Variants in XRCC4 observed in about 807,000 individuals in gnomAD.
XRCC4 encodes the protein X-ray repair cross complementing 4, also known as DNA repair protein XRCC4.
A neutral mutation model predicts 39.1 loss-of-function variants in XRCC4; 28 were observed. The observed-to-expected ratio is 0.72, with a 90% CI of 0.53 to 0.98. The LOEUF is 0.98. Ranked by LOEUF, XRCC4 falls within the 50% of genes least tolerant of loss-of-function variation. The probability of loss-of-function intolerance (pLI) is 0.00; values close to 1 mark genes in which losing one functional copy is unlikely to be tolerated. For missense variants in XRCC4, 350 were observed against 376.4 expected, an observed-to-expected ratio of 0.93 and a Z score of 0.58; for synonymous variants, 123 against 126.4, an observed-to-expected ratio of 0.97 and a Z score of 0.18.
intron 3 of XRCC4, among the ~76,000 whole-genome samples, chr5:83,112,958 G>A (rs550404260): frequency 6.6e-6 from 1 of 152,070 alleles, no homozygotes; most frequent in Non-Finnish European, 1.5e-5. Context: ...CAAATCTCAT[G>A]TCCTCACATT....
intron 3 of XRCC4, among the ~76,000 whole-genome samples, chr5:83,121,976 A>G (rs758948570): frequency 9.2e-5 from 14 of 152,144 alleles, no homozygotes; most frequent in Non-Finnish European, 1.0e-4. Flanking sequence ...TTGAAAATCA[A>G]TTAACCACGT....
chr5:83,229,444 G>T (rs1395185361), intron 6 of XRCC4, among the ~76,000 whole-genome samples: 1 of 151,540 alleles, frequency 6.6e-6, no homozygotes, highest in African/African-American at 2.4e-5. Flanking sequence ...GATCAGGGAT[G>T]GTATCTAGTA....
At chr5:83,301,890 C>T (rs754497451) in intron 7 of XRCC4, among the ~76,000 whole-genome samples, 25 of 152,082 alleles carry the variant, frequency 1.6e-4, no homozygotes, top group South Asian at 8.3e-4. Context: ...GTTGTAGATA[C>T]GTGGTGTTAT....
chr5:83,123,274 T>C lies in XRCC4; in HGVS notation c.315+12071T>C, dbSNP rs78408676. Among the ~76,000 whole-genome samples the C allele has an allele frequency of 9.6e-3, 1,460 of 152,228 alleles. 21 individuals are homozygous for C. The highest frequency in any genetic ancestry group is 0.033 in the African/African-American group (1,355 of 41,560). On this transcript the variant is annotated intron_variant, in intron 3 of 7. Coordinates refer to ENST00000396027, the MANE Select transcript of XRCC4 (RefSeq NM_003401.5). ...GCTCTCTTGATGAGCTGACCTCTTT[T>C]TCACTATGAAATGACCCTCTAATTC...
At chr5:83,258,499 TG>T in intron 6 of XRCC4, 30 bp from the exon 7 acceptor site, 2 of 1,596,666 alleles carry the variant, frequency 1.3e-6, no homozygotes, top group Non-Finnish European at 1.7e-6. Context: ...ATAATTTTGT[TG>T]GGTCACATTC....
chr5:83,159,453 GTGAAAGGAGAAATGTTTAGGAAATTTGA>G (rs1248688360), intron 3 of XRCC4, among the ~76,000 whole-genome samples: 3 of 152,130 alleles, frequency 2.0e-5, no homozygotes, highest in African/African-American at 7.2e-5. Context: ...GATAGGCATA[GTGAAAGGAGAAATGTTTAGGAAATTTGA>G]TGAATATACA....
At chr5:83,140,856 C>T (rs1748136466) in intron 3 of XRCC4, among the ~76,000 whole-genome samples, 1 of 152,070 alleles carries the variant, frequency 6.6e-6, no homozygotes, top group African/African-American at 2.4e-5. Flanking sequence ...ATCAGAACTA[C>T]CTAAAAAGGT....
chr5:83,278,677 G>T (rs1754422020), intron 7 of XRCC4, among the ~76,000 whole-genome samples: 2 of 151,978 alleles, frequency 1.3e-5, no homozygotes, highest in Non-Finnish European at 2.9e-5. Context: ...CAGTCCTTAT[G>T]TTGTTTTTTA....
intron 7 of XRCC4, among the ~76,000 whole-genome samples, chr5:83,273,089 T>C (rs914782552): frequency 6.6e-6 from 1 of 152,206 alleles, no homozygotes; most frequent in Non-Finnish European, 1.5e-5. Flanking sequence ...CCAACATCTA[T>C]TGTTTCCTGA....
chr5:83,164,678 T>C (rs1392783874), intron 3 of XRCC4, among the ~76,000 whole-genome samples: 1 of 152,168 alleles, frequency 6.6e-6, no homozygotes, highest in Non-Finnish European at 1.5e-5. Flanking sequence ...AAACATGTTG[T>C]ACAACTTAAA....
the XRCC4 span, among the ~76,000 whole-genome samples, chr5:83,365,123 G>A: frequency 2.0e-5 from 3 of 152,118 alleles, no homozygotes; most frequent in Non-Finnish European, 4.4e-5. Flanking sequence ...TGGGAGTTCC[G>A]TTACCTCAGG....
At chr5:83,154,945 C>A (rs1748886883) in intron 3 of XRCC4, among the ~76,000 whole-genome samples, 1 of 152,148 alleles carries the variant, frequency 6.6e-6, no homozygotes. Context: ...ACTGGTATGG[C>A]TTTTAGTTTC....
At chr5:83,361,358 A>T in the XRCC4 span, among the ~76,000 whole-genome samples, 15 of 152,122 alleles carry the variant, frequency 9.9e-5, no homozygotes, top group African/African-American at 2.4e-4. Flanking sequence ...TTTCTGTAGG[A>T]TATATTTTCA....
intron 4 of XRCC4, among the ~76,000 whole-genome samples, chr5:83,198,197 G>A (rs988169185): frequency 6.6e-6 from 1 of 152,048 alleles, no homozygotes; most frequent in African/African-American, 2.4e-5. Flanking sequence ...AGTTAATTTT[G>A]GGGGAAGCCT....
intron 3 of XRCC4, among the ~76,000 whole-genome samples, chr5:83,187,339 A>G (rs76979134): frequency 0.015 from 2,217 of 152,306 alleles, 63 homozygotes; most frequent in African/African-American, 0.051. Context: ...AATTTTAAGT[A>G]TTTATGTGAA....
chr5:83,109,767 A>G (rs987906873), intron 2 of XRCC4, among the ~76,000 whole-genome samples: 2 of 152,014 alleles, frequency 1.3e-5, no homozygotes, highest in Non-Finnish European at 2.9e-5. Context: ...GACAGTGAGT[A>G]TAATGTTTGA....
chr5:83,122,779 AT>A (rs1427528029), intron 3 of XRCC4, among the ~76,000 whole-genome samples: 8 of 151,570 alleles, frequency 5.3e-5, no homozygotes, highest in Non-Finnish European at 7.4e-5. Flanking sequence ...TTCCCTTTTC[AT>A]TTTAGTCCTC....
Position 83,134,146 on chromosome 5 carries a change from CTCTT to C in XRCC4, c.315+22947_315+22950del, listed in dbSNP as rs1319367699. Among the ~76,000 whole-genome samples, 5 of 152,156 alleles carry C rather than the reference CTCTT, an allele frequency of 3.3e-5. No individual in the cohort carries two copies. In the East Asian group the frequency reaches 9.7e-4, roughly 29 times the overall value. ...ATTGACCATGATAGCAGGTCTCCGT[CTCTT>C]TCTCGCTTTCCCTATTTTCCTCTTG... is the stretch of plus-strand genomic sequence containing the variant. On this transcript the variant is annotated intron_variant, in intron 3 of 7. Transcript: ENST00000396027.
At chr5:83,230,823 A>G (rs956075384) in intron 6 of XRCC4, among the ~76,000 whole-genome samples, 2 of 151,996 alleles carry the variant, frequency 1.3e-5, no homozygotes, top group Non-Finnish European at 2.9e-5. Context: ...CTTTAACTAA[A>G]TCTATGTTCT....
Sources: allele counts gnomAD v4.1 joint callset (sites outside exome capture counted in the v4.1 genomes callset), GRCh38; gene constraint gnomAD v4.1.1; transcripts MANE v1.5; gene names NCBI Gene and HGNC (gene_info 2026-07-23, HGNC 2026-07-21).